DAB1: variants seen among roughly 807,000 people sequenced by gnomAD.
The protein encoded by DAB1 is disabled homolog 1.
DAB1 carries 15 observed loss-of-function variants against 64.6 expected under a neutral mutation model. That is an observed-to-expected ratio of 0.23 (90% CI 0.16 to 0.36). The LOEUF is 0.36. DAB1 is among the 10% of genes least tolerant of loss of function. The pLI is 1.00. For missense variants in DAB1, 596 were observed against 706.7 expected (o/e 0.84, Z 1.78); for synonymous variants, 235 against 251.9 (o/e 0.93, Z 0.64).
chr1:57,057,899 C>A (rs7529992), intron 9 of DAB1, among the ~76,000 whole-genome samples: 6,517 of 152,128 alleles, frequency 0.043, 486 homozygotes, highest in African/African-American at 0.15. Flanking sequence ...TGAGCCACCG[C>A]GCCCGGCCTA....
intron 1 of DAB1, among the ~76,000 whole-genome samples, chr1:57,406,910 C>G (rs903134888): frequency 3.9e-5 from 6 of 152,136 alleles, no homozygotes; most frequent in African/African-American, 1.4e-4. Flanking sequence ...GTAATGTAAC[C>G]AGAAGAATGC....
At chr1:57,829,791 A>G (rs971881033) in intron 1 of DAB1, among the ~76,000 whole-genome samples, 3 of 152,242 alleles carry the variant, frequency 2.0e-5, no homozygotes, top group African/African-American at 7.2e-5. Flanking sequence ...GTACGACTAC[A>G]GCCCCAAATT....
intron 7 of DAB1, among the ~76,000 whole-genome samples, chr1:57,509,318 A>C (rs891522220): frequency 6.6e-6 from 1 of 152,130 alleles, no homozygotes; most frequent in Admixed American, 6.5e-5. Context: ...TGCACTCAGC[A>C]AACATGCATT....
chr1:57,110,342 G>A (rs964194082), intron 4 of DAB1, among the ~76,000 whole-genome samples: 1 of 152,170 alleles, frequency 6.6e-6, no homozygotes, highest in Non-Finnish European at 1.5e-5. Context: ...CTGCTTCCAT[G>A]TTCAATGCTG....
At chr1:58,048,685 AC>A (rs1647411251) in intron 5 of DAB1, 2 of 1,319,584 alleles carry the variant, frequency 1.5e-6, no homozygotes, top group African/African-American at 2.9e-5. Flanking sequence ...CACGACCACC[AC>A]CAAAGTTTCC....
intron 5 of DAB1, among the ~76,000 whole-genome samples, chr1:58,150,261 C>T (rs1252882097): frequency 1.3e-5 from 2 of 152,128 alleles, no homozygotes; most frequent in Non-Finnish European, 2.9e-5. Flanking sequence ...GTCTCTATTC[C>T]AAAATCTCTA....
At chr1:57,660,467 T>G (rs957167754) in intron 6 of DAB1, among the ~76,000 whole-genome samples, 5 of 152,216 alleles carry the variant, frequency 3.3e-5, no homozygotes, top group Non-Finnish European at 5.9e-5. Flanking sequence ...TAGTGGGCCC[T>G]GTGTTGTAAA....
rs1646517614 is a variant in DAB1 at position 58,536,391 on chromosome 1, A to T, written n.33-9056T>A. ...AAAGGTCTGAGGCCTTCGGGAAAAA[A>T]AAATGCTAATTTCATATCAAAGACT... On this transcript the variant is annotated intron_variant and non_coding_transcript_variant, in intron 1 of 20. Transcript: ENST00000485760. 8.0e-6 allele frequency: 5 copies of T among 628,838 alleles called. No homozygotes were observed. In the Admixed American group the frequency reaches 1.2e-4, roughly 15 times the overall value. The allele number at this position is 628,838 out of a possible 1,614,324, so 39.0% of individuals were successfully genotyped here.
chr1:57,029,638 C>T (rs936738111), intron 9 of DAB1, among the ~76,000 whole-genome samples: 1 of 152,198 alleles, frequency 6.6e-6, no homozygotes, highest in Non-Finnish European at 1.5e-5. Context: ...TGGGAACCTA[C>T]CTCTTGCATC....
At chr1:57,213,904 C>T (rs1569915475) in intron 2 of DAB1, among the ~76,000 whole-genome samples, 2 of 152,320 alleles carry the variant, frequency 1.3e-5, no homozygotes, top group Admixed American at 1.3e-4. Context: ...TGTACTTAGG[C>T]AAGCCCCATG....
At chr1:57,725,439 A>T (rs1244609925) in intron 6 of DAB1, among the ~76,000 whole-genome samples, 1 of 151,984 alleles carries the variant, frequency 6.6e-6, no homozygotes, top group Non-Finnish European at 1.5e-5. Flanking sequence ...AAAACTTCAT[A>T]CCTGCCTTCC....
At chr1:58,252,923 C>G (rs894032947) in intron 4 of DAB1, among the ~76,000 whole-genome samples, 7 of 152,228 alleles carry the variant, frequency 4.6e-5, no homozygotes, top group African/African-American at 1.7e-4. Flanking sequence ...TATTGCACTT[C>G]TCTCCATCTT....
chr1:57,038,698 C>T (rs1309877618), intron 9 of DAB1, among the ~76,000 whole-genome samples: 2 of 152,176 alleles, frequency 1.3e-5, no homozygotes, highest in African/African-American at 2.4e-5. Flanking sequence ...ATAAAAGTTA[C>T]ATCTTCCCTT....
At chr1:57,907,428 T>C (rs1644569797) in intron 5 of DAB1, among the ~76,000 whole-genome samples, 1 of 152,238 alleles carries the variant, frequency 6.6e-6, no homozygotes, top group African/African-American at 2.4e-5. Flanking sequence ...TGTATGAAAT[T>C]ACACTGAAAT....
chr1:57,770,382 C>A (rs1649505362), intron 6 of DAB1, among the ~76,000 whole-genome samples: 1 of 152,174 alleles, frequency 6.6e-6, no homozygotes, highest in African/African-American at 2.4e-5. Context: ...ATCCTCCCAC[C>A]TCAGCTTCCT....
At chr1:57,714,636 C>T (rs1037770240) in intron 6 of DAB1, among the ~76,000 whole-genome samples, 4 of 152,074 alleles carry the variant, frequency 2.6e-5, no homozygotes, top group Non-Finnish European at 2.9e-5. Context: ...CACGTGGCTG[C>T]ACAATAGAGT....
intron 4 of DAB1, among the ~76,000 whole-genome samples, chr1:58,316,337 G>A (rs1158095249): frequency 6.6e-6 from 1 of 152,140 alleles, no homozygotes; most frequent in Non-Finnish European, 1.5e-5. Context: ...CACAACAGGT[G>A]GTATGCAAAT....
At chr1:57,116,049 T>C (rs1038344341) in intron 4 of DAB1, among the ~76,000 whole-genome samples, 8 of 152,156 alleles carry the variant, frequency 5.3e-5, no homozygotes, top group African/African-American at 1.9e-4. Flanking sequence ...TCCTGTATCA[T>C]GAACATGGCA....
At position 57,529,169 on chromosome 1, in the gene DAB1, T is replaced by A. The variant is rs569849521; in HGVS notation, n.625+120423A>T. Reference sequence around the variant, plus strand: ...TATAAGTAACAATTTTATTTGAAGGTAGGATGTAAGTCAAGGTGCATACAT... The same window carrying A: ...TATAAGTAACAATTTTATTTGAAGGAAGGATGTAAGTCAAGGTGCATACAT... On this transcript the variant is annotated intron_variant and non_coding_transcript_variant, in intron 7 of 20. Transcript: ENST00000485760. Among the ~76,000 whole-genome samples, 8 of 152,204 alleles carry A rather than the reference T, an allele frequency of 5.3e-5. No individual in the cohort carries two copies. The East Asian group carries it at 1.5e-3, about 29-fold the overall frequency.
Sources: gnomAD v4.1 joint callset for allele counts (sites outside exome capture counted in the v4.1 genomes callset) on GRCh38, gnomAD v4.1.1 for gene constraint, MANE v1.5 for transcripts, NCBI Gene and HGNC (gene_info 2026-07-23, HGNC 2026-07-21) for gene names.